Variants in PTPRN2 observed in about 807,000 individuals in gnomAD.
PTPRN2 encodes the protein receptor-type tyrosine-protein phosphatase N2.
Under a neutral mutation model 118.8 loss-of-function variants are expected in PTPRN2, and 74 were observed. The ratio of observed to expected loss-of-function variants is 0.62; its 90% CI spans 0.52 to 0.76. PTPRN2 has a LOEUF of 0.76. Ranked by LOEUF, PTPRN2 falls within the 30% of genes least tolerant of loss-of-function variation. PTPRN2 has a pLI of 0.00. For missense variants in PTPRN2, 1,481 were observed against 1,394.4 expected (o/e 1.06, Z -0.99); for synonymous variants, 641 against 608.0 (o/e 1.05, Z -0.80).
chr7:157,570,555 A>G (rs1285559669), intron 20 of PTPRN2, among the ~76,000 whole-genome samples: 1 of 152,190 alleles, frequency 6.6e-6, no homozygotes, highest in African/African-American at 2.4e-5. Flanking sequence ...CACCAAAAGG[A>G]GTTGGGTATG....
At chr7:158,013,712 C>G (rs1276659191) in intron 11 of PTPRN2, among the ~76,000 whole-genome samples, 3 of 142,412 alleles carry the variant, frequency 2.1e-5, no homozygotes, top group Non-Finnish European at 4.6e-5. Flanking sequence ...CCCATCCATC[C>G]ATCCAGCCAG....
chr7:158,207,147 T>C lies in PTPRN2; in HGVS notation c.278-1874A>G, dbSNP rs1249454330. The stretch of plus-strand genomic sequence containing the variant: ...TACAAAGGACATGCACTCATCATTT[T>C]TTATGGCTGCATAGTATTCCATGGT... On this transcript the variant is annotated intron_variant, in intron 3 of 22. Transcript: ENST00000389418. 2.0e-5 allele frequency among the ~76,000 whole-genome samples: 3 copies of C among 146,882 alleles called. No individual in the cohort carries two copies. The Admixed American group carries it at 2.0e-4, about 10-fold the overall frequency.
At chr7:158,552,923 C>T (rs1179772517) in intron 1 of PTPRN2, among the ~76,000 whole-genome samples, 1 of 152,202 alleles carries the variant, frequency 6.6e-6, no homozygotes, top group Non-Finnish European at 1.5e-5. Context: ...CACCAGCCTC[C>T]CTGTCTACAC....
chr7:158,020,539 T>C (rs902636821), intron 11 of PTPRN2, among the ~76,000 whole-genome samples: 1 of 151,758 alleles, frequency 6.6e-6, no homozygotes, highest in African/African-American at 2.4e-5. Flanking sequence ...TGATAGTGGG[T>C]GCGGAGAGGA....
chr7:158,312,972 A>G (rs533655416), intron 3 of PTPRN2, among the ~76,000 whole-genome samples: 2 of 151,250 alleles, frequency 1.3e-5, no homozygotes, highest in South Asian at 4.2e-4. Flanking sequence ...GTGCATGTCT[A>G]CATGTGAGCA....
At chr7:158,281,563 C>T (rs1272548000) in intron 3 of PTPRN2, among the ~76,000 whole-genome samples, 4 of 152,220 alleles carry the variant, frequency 2.6e-5, no homozygotes, top group Admixed American at 6.5e-5. Context: ...CACAGAGGTG[C>T]ATGGAAATGC....
chr7:158,320,610 G>T (rs1413565335), intron 2 of PTPRN2, among the ~76,000 whole-genome samples: 1 of 152,218 alleles, frequency 6.6e-6, no homozygotes, highest in Admixed American at 6.5e-5. Context: ...ACACTTGGAG[G>T]CGTCCATGTT....
At chr7:158,028,771 C>A (rs1336003092) in intron 11 of PTPRN2, 1 of 152,436 alleles carries the variant, frequency 6.6e-6, no homozygotes, top group Admixed American at 6.5e-5. Context: ...CCGCGCAAGG[C>A]AACACTGGCT....
intron 12 of PTPRN2, among the ~76,000 whole-genome samples, chr7:157,809,936 G>A (rs1805877519): frequency 1.3e-5 from 2 of 152,198 alleles, no homozygotes; most frequent in African/African-American, 2.4e-5. Flanking sequence ...CGGGGAACAG[G>A]ACTGTAATGG....
chr7:157,715,859 C>G (rs1202788702), intron 12 of PTPRN2, among the ~76,000 whole-genome samples: 3 of 152,226 alleles, frequency 2.0e-5, no homozygotes, highest in African/African-American at 4.8e-5. Context: ...ACACCCAGGG[C>G]AGCACTCCAG....
At chr7:157,567,395 C>T (rs996148033) in intron 21 of PTPRN2, among the ~76,000 whole-genome samples, 6 of 152,194 alleles carry the variant, frequency 3.9e-5, no homozygotes, top group African/African-American at 1.4e-4. Flanking sequence ...GCAAAGGATG[C>T]TGGCGGTGTT....
intron 6 of PTPRN2, among the ~76,000 whole-genome samples, chr7:158,146,288 T>A (rs1383726228): frequency 1.3e-5 from 2 of 152,116 alleles, no homozygotes; most frequent in East Asian, 1.9e-4. Context: ...AATGTTAACC[T>A]ATATTTAAAA....
chr7:157,574,115 A>G (rs1799895626), intron 19 of PTPRN2, among the ~76,000 whole-genome samples: 2 of 152,232 alleles, frequency 1.3e-5, no homozygotes, highest in South Asian at 4.1e-4. Flanking sequence ...TGACTCCATC[A>G]GAACAAAGAA....
chr7:157,920,226 A>G (rs1159689506), intron 11 of PTPRN2, among the ~76,000 whole-genome samples: 2 of 152,242 alleles, frequency 1.3e-5, no homozygotes, highest in South Asian at 4.1e-4. Context: ...CTGGCTAAGA[A>G]TGAAGAAAGA....
intron 2 of PTPRN2, among the ~76,000 whole-genome samples, chr7:158,431,624 G>A (rs1324769903): frequency 1.4e-5 from 2 of 146,720 alleles, no homozygotes; most frequent in African/African-American, 5.1e-5. Flanking sequence ...GCTCGCACTG[G>A]GCACACACCA....
At chr7:158,038,221 T>C (rs1487991949) in intron 11 of PTPRN2, among the ~76,000 whole-genome samples, 4 of 152,106 alleles carry the variant, frequency 2.6e-5, no homozygotes, top group Non-Finnish European at 1.5e-5. Flanking sequence ...ACCAGTGGAA[T>C]AAAACTGAGG....
chr7:157,804,352 C>T (rs1318178241), intron 12 of PTPRN2, among the ~76,000 whole-genome samples: 1 of 152,232 alleles, frequency 6.6e-6, no homozygotes, highest in African/African-American at 2.4e-5. Context: ...TCTTTCCACA[C>T]ACTTCTTCAT....
intron 12 of PTPRN2, among the ~76,000 whole-genome samples, chr7:157,852,882 A>AAAC (rs1809386415): frequency 6.6e-6 from 1 of 151,684 alleles, no homozygotes; most frequent in Non-Finnish European, 1.5e-5. Flanking sequence ...AAAAAAAAAA[A>AAAC]ATACTAGCAC....
intron 11 of PTPRN2, among the ~76,000 whole-genome samples, chr7:157,958,215 C>T (rs984653894): frequency 2.0e-5 from 3 of 152,122 alleles, no homozygotes; most frequent in East Asian, 1.9e-4. Context: ...ATGATAAAAA[C>T]GCTCAACAAA....
Sources: gnomAD v4.1 joint callset for allele counts (sites outside exome capture counted in the v4.1 genomes callset) on GRCh38, gnomAD v4.1.1 for gene constraint, MANE v1.5 for transcripts, NCBI Gene and HGNC (gene_info 2026-07-23, HGNC 2026-07-21) for gene names.